The following UNC5D variants were observed in gnomAD, a reference collection of about 807,000 sequenced individuals.
UNC5D encodes netrin receptor UNC5D.
UNC5D carries 39 observed loss-of-function variants against 105.4 expected under a neutral mutation model. The observed-to-expected ratio is 0.37, with a 90% CI of 0.29 to 0.48. The LOEUF (loss-of-function observed/expected upper bound fraction) is 0.48. UNC5D is among the 20% of genes least tolerant of loss of function. The probability of loss-of-function intolerance (pLI) is 0.98; values close to 1 mark genes in which losing one functional copy is unlikely to be tolerated. For synonymous variants in UNC5D, 452 were observed against 450.4 expected, an observed-to-expected ratio of 1.00 and a Z score of -0.04; for missense variants, 991 against 1,202.4, an observed-to-expected ratio of 0.82 and a Z score of 2.60.
intron 1 of UNC5D, among the ~76,000 whole-genome samples, chr8:35,279,974 A>C (rs1806032324): frequency 6.6e-6 from 1 of 152,166 alleles, no homozygotes; most frequent in African/African-American, 2.4e-5. Context: ...TGAACATTAT[A>C]AAGAACTACC....
intron 7 of UNC5D, among the ~76,000 whole-genome samples, chr8:35,693,093 G>T (rs1433793978): frequency 6.6e-6 from 1 of 152,186 alleles, no homozygotes; most frequent in East Asian, 1.9e-4. Flanking sequence ...TGAGGAACAA[G>T]CTTTAATAAG....
intron 3 of UNC5D, among the ~76,000 whole-genome samples, chr8:35,593,082 C>A (rs1180900419): frequency 6.6e-6 from 1 of 150,712 alleles, no homozygotes; most frequent in East Asian, 2.0e-4. Context: ...CACACACACA[C>A]ACACAAATAT....
Position 35,671,539 on chromosome 8 carries a change from T to C in UNC5D, c.571-12008T>C, listed in dbSNP as rs1230403126. Reference sequence around the variant, plus strand: ...GTTTAGTCACAGCTTTATTCCTAATTAGTATTTTGGAGAGAGCACAAGAGG... The same window carrying C: ...GTTTAGTCACAGCTTTATTCCTAATCAGTATTTTGGAGAGAGCACAAGAGG... On this transcript the variant is annotated intron_variant, in intron 4 of 16. Transcript: ENST00000404895. 2.0e-5 allele frequency among the ~76,000 whole-genome samples: 3 copies of C among 152,316 alleles called. No homozygotes were observed. The South Asian group carries it at 6.2e-4, about 32-fold the overall frequency.
chr8:35,725,966 C>G (rs554539313), intron 9 of UNC5D, among the ~76,000 whole-genome samples, 186 bp from the exon 10 acceptor site: 30 of 152,254 alleles, frequency 2.0e-4, no homozygotes, highest in African/African-American at 7.0e-4. Context: ...ACGGTGGAAG[C>G]CAGGGCTCTT....
chr8:35,678,192 A>G (rs1469946839), intron 4 of UNC5D, among the ~76,000 whole-genome samples: 1 of 152,126 alleles, frequency 6.6e-6, no homozygotes, highest in Non-Finnish European at 1.5e-5. Flanking sequence ...ATTTACATTG[A>G]CAAGGGAGGA....
At chr8:35,356,534 A>T (rs575810661) in intron 1 of UNC5D, among the ~76,000 whole-genome samples, 6 of 152,288 alleles carry the variant, frequency 3.9e-5, no homozygotes, top group African/African-American at 1.4e-4. Context: ...GAGGTATGAC[A>T]GCAAAAGTAG....
At chr8:35,290,989 A>G (rs558914891) in intron 1 of UNC5D, among the ~76,000 whole-genome samples, 3 of 151,408 alleles carry the variant, frequency 2.0e-5, no homozygotes, top group African/African-American at 4.9e-5. Context: ...AAAGAGTGTC[A>G]GAGAAATTGG....
chr8:35,279,303 T>C lies in UNC5D; in HGVS notation c.103+43416T>C, dbSNP rs563744224. ...AAATAAAACAAACTCAAAAGGAATA[T>C]TTGGTACTTCACTCAGTTGTCCACC... On this transcript the variant is annotated intron_variant, in intron 1 of 16. Coordinates refer to ENST00000404895, the MANE Select transcript of UNC5D (RefSeq NM_080872.4). 6.6e-5 allele frequency among the ~76,000 whole-genome samples: 10 copies of C among 152,334 alleles called. No individual in the cohort carries two copies. In the East Asian group the frequency reaches 1.7e-3, roughly 26 times the overall value.
chr8:35,336,094 C>A (rs1811015767), intron 1 of UNC5D, among the ~76,000 whole-genome samples: 2 of 152,008 alleles, frequency 1.3e-5, no homozygotes, highest in South Asian at 4.1e-4. Context: ...ACTCTATTCA[C>A]ATATTAAAAT....
At chr8:35,768,344 A>G (rs1314118738) in intron 15 of UNC5D, among the ~76,000 whole-genome samples, 2 of 152,118 alleles carry the variant, frequency 1.3e-5, no homozygotes, top group Non-Finnish European at 2.9e-5. Flanking sequence ...TTTGACGGAG[A>G]AGGTAGATCT....
intron 4 of UNC5D, among the ~76,000 whole-genome samples, chr8:35,669,652 A>G (rs1301635114): frequency 6.6e-6 from 1 of 151,942 alleles, no homozygotes; most frequent in Non-Finnish European, 1.5e-5. Flanking sequence ...GCCCCTCCCC[A>G]TCCCACGTGT....
chr8:35,578,558 G>T (rs951138948), intron 3 of UNC5D, among the ~76,000 whole-genome samples: 1 of 152,166 alleles, frequency 6.6e-6, no homozygotes, highest in African/African-American at 2.4e-5. Flanking sequence ...GCAAATGCTT[G>T]CATAAATTTT....
In UNC5D at chr8:35,766,909, C is replaced by T; in HGVS notation, c.2321C>T (p.Pro774Leu). The part of the protein sequence containing the change: ...IKPFTACQEV[P>L]FSRVWCSNRQ... ...TCTCCGTCTCCCCTGCAGGAAGTCC[C>T]GTTCTCCCGCGTGTGGTGCAGTAAC... is the stretch of plus-strand genomic sequence containing the variant. The change falls in exon 15 of 17, where the codon CCG becomes CTG. Residue 774 changes from proline to leucine, a missense_variant. Coordinates refer to ENST00000404895, the MANE Select transcript of UNC5D (RefSeq NM_080872.4). The T allele has an allele frequency of 3.7e-6, 6 of 1,611,900 alleles. No homozygotes were observed. The highest frequency in any genetic ancestry group is 3.3e-5 in the Admixed American group (2 of 59,820).
chr8:35,280,162 ATTT>A (rs1362194607), intron 1 of UNC5D, among the ~76,000 whole-genome samples: 1 of 151,826 alleles, frequency 6.6e-6, no homozygotes, highest in Non-Finnish European at 1.5e-5. Context: ...CACCTCACTA[ATTT>A]TTATATTTTT....
chr8:35,761,927 T>G (rs28459520), intron 14 of UNC5D, among the ~76,000 whole-genome samples: 31,425 of 152,138 alleles, frequency 0.21, 9,263 homozygotes, highest in African/African-American at 0.65. Flanking sequence ...GGAGAATGGA[T>G]AATGGCTTTT....
intron 4 of UNC5D, among the ~76,000 whole-genome samples, chr8:35,661,930 T>A (rs1824128932): frequency 6.6e-6 from 1 of 152,194 alleles, no homozygotes; most frequent in Non-Finnish European, 1.5e-5. Context: ...TACATTCCAC[T>A]TATTCCCTGA....
intron 8 of UNC5D, among the ~76,000 whole-genome samples, chr8:35,712,251 A>G (rs561014118): frequency 6.6e-6 from 1 of 152,352 alleles, no homozygotes; most frequent in South Asian, 2.1e-4. Context: ...AGCCTGGACG[A>G]CAGAGTGAGA....
chr8:35,621,945 G>A (rs998170416), intron 4 of UNC5D, among the ~76,000 whole-genome samples: 2 of 152,218 alleles, frequency 1.3e-5, no homozygotes, highest in Non-Finnish European at 2.9e-5. Flanking sequence ...CTCCACTTCA[G>A]AGCAAGGAAA....
At chr8:35,263,472 G>A (rs945975973) in intron 1 of UNC5D, among the ~76,000 whole-genome samples, 2 of 152,022 alleles carry the variant, frequency 1.3e-5, no homozygotes, top group East Asian at 3.9e-4. Context: ...CCAGCTCACT[G>A]CAGCCTTGAA....
Sources: allele counts gnomAD v4.1 joint callset (sites outside exome capture counted in the v4.1 genomes callset), GRCh38; gene constraint gnomAD v4.1.1; transcripts MANE v1.5; gene names NCBI Gene and HGNC (gene_info 2026-07-23, HGNC 2026-07-21).